PDE4B: variants seen among roughly 807,000 people sequenced by gnomAD.
PDE4B encodes the protein 3',5'-cyclic-AMP phosphodiesterase 4B.
Under a neutral mutation model 82.2 loss-of-function variants are expected in PDE4B, and 20 were observed. That is an observed-to-expected ratio of 0.24 (90% CI 0.17 to 0.35). The LOEUF is 0.35. Ranked by LOEUF, PDE4B falls within the 10% of genes least tolerant of loss-of-function variation. The pLI is 1.00. For missense variants in PDE4B, 655 were observed against 907.2 expected (o/e 0.72, Z 3.57); for synonymous variants, 320 against 318.9 (o/e 1.00, Z -0.04).
chr1:66,022,491 A>G (rs191654573), intron 3 of PDE4B, among the ~76,000 whole-genome samples: 1 of 152,126 alleles, frequency 6.6e-6, no homozygotes, highest in Non-Finnish European at 1.5e-5. Context: ...ATCAGTACCT[A>G]ATTTATTTGG....
chr1:66,073,086 G>A (rs1656241741), intron 3 of PDE4B, among the ~76,000 whole-genome samples: 1 of 151,304 alleles, frequency 6.6e-6, no homozygotes. Flanking sequence ...ATTTGACAAT[G>A]CCCTCGCTGG....
chr1:66,338,045 A>G (rs1271756590), intron 8 of PDE4B, among the ~76,000 whole-genome samples: 2 of 152,254 alleles, frequency 1.3e-5, no homozygotes, highest in Non-Finnish European at 2.9e-5. Flanking sequence ...ATTGAATAAT[A>G]TTAGTAAACA....
rs576181608 is a variant in PDE4B, at chr1:66,286,544, G to T, written c.634+20457G>T. Among the ~76,000 whole-genome samples, 8 of 152,212 alleles carry T rather than the reference G, an allele frequency of 5.3e-5. No homozygotes were observed. In the South Asian group the frequency reaches 1.0e-3, roughly 20 times the overall value. ...TCCCCAAAACAAACAAGACAGCATGGCAAACAGTGGTGTTTGCTCTGTATA... is the reference window on the plus strand; with the variant it reads ...TCCCCAAAACAAACAAGACAGCATGTCAAACAGTGGTGTTTGCTCTGTATA... On this transcript the variant is annotated intron_variant, in intron 7 of 16. Transcript: ENST00000341517.
chr1:66,324,944 A>G (rs1334729350), intron 7 of PDE4B, among the ~76,000 whole-genome samples: 1 of 152,208 alleles, frequency 6.6e-6, no homozygotes, highest in Non-Finnish European at 1.5e-5. Flanking sequence ...TGGACATAAT[A>G]ACTCATGATG....
intron 3 of PDE4B, among the ~76,000 whole-genome samples, chr1:66,112,499 G>A (rs145720288): frequency 4.4e-4 from 67 of 152,212 alleles, no homozygotes; most frequent in East Asian, 1.7e-3. Flanking sequence ...GTCAGTAGCC[G>A]AAAGAAGATA....
At chr1:66,225,774 T>C (rs1651402571) in intron 3 of PDE4B, among the ~76,000 whole-genome samples, 2 of 152,266 alleles carry the variant, frequency 1.3e-5, no homozygotes, top group African/African-American at 2.4e-5. Context: ...TGTTTTATTT[T>C]GTTTTCCTGG....
chr1:66,349,056 G>A (rs201989415), intron 8 of PDE4B, among the ~76,000 whole-genome samples: 1 of 152,084 alleles, frequency 6.6e-6, no homozygotes, highest in East Asian at 1.9e-4. Flanking sequence ...AGCAGAAAAG[G>A]GTTAGATAGA....
intron 3 of PDE4B, among the ~76,000 whole-genome samples, chr1:66,037,135 A>G (rs1372732281): frequency 6.6e-6 from 1 of 151,864 alleles, no homozygotes; most frequent in Non-Finnish European, 1.5e-5. Context: ...CAAAAAAAAA[A>G]AAAAAAAAGA....
intron 6 of PDE4B, among the ~76,000 whole-genome samples, chr1:66,262,648 C>T (rs1654769331): frequency 6.6e-6 from 1 of 152,214 alleles, no homozygotes; most frequent in South Asian, 2.1e-4. Flanking sequence ...GTCTGGCATT[C>T]TCATGCCCTA....
At chr1:66,275,601 A>G (rs935195269) in intron 7 of PDE4B, among the ~76,000 whole-genome samples, 2 of 152,084 alleles carry the variant, frequency 1.3e-5, no homozygotes, top group African/African-American at 4.8e-5. Context: ...AGGAAGGAAG[A>G]GGACCACCGA....
chr1:66,008,423 C>A (rs1379555226), intron 3 of PDE4B, among the ~76,000 whole-genome samples: 1 of 152,114 alleles, frequency 6.6e-6, no homozygotes, highest in Non-Finnish European at 1.5e-5. Context: ...CTGGTTAAGG[C>A]CACCCCTTAC....
At chr1:65,938,793 A>G (rs1648288881) in intron 3 of PDE4B, among the ~76,000 whole-genome samples, 1 of 152,178 alleles carries the variant, frequency 6.6e-6, no homozygotes, top group African/African-American at 2.4e-5. Flanking sequence ...GGAGAGCTGT[A>G]TTAGTGTGGA....
At chr1:66,105,127 G>A (rs1645318195) in intron 3 of PDE4B, among the ~76,000 whole-genome samples, 2 of 152,058 alleles carry the variant, frequency 1.3e-5, no homozygotes, top group Admixed American at 6.6e-5. Context: ...TAAGATATAA[G>A]GAAGGGATCC....
intron 3 of PDE4B, among the ~76,000 whole-genome samples, chr1:65,965,405 A>G (rs1649765486): frequency 1.3e-5 from 2 of 152,166 alleles, no homozygotes; most frequent in South Asian, 4.1e-4. Context: ...CCAGTACAGA[A>G]AGATAGCATC....
In PDE4B at chr1:66,372,451, C is replaced by T; in HGVS notation, c.1984C>T (p.Pro662Ser). 1 of 1,614,142 alleles carries T rather than the reference C, an allele frequency of 6.2e-7. No individual in the cohort carries two copies. The highest frequency in any genetic ancestry group is 8.5e-7 in the Non-Finnish European group (1 of 1,179,994). Residue 662 changes from proline (P) to serine (S), a missense_variant, in exon 17 of 17, where the codon CCA (proline) becomes TCA (serine). Pro to Ser is a moderately conservative substitution (Grantham distance 74, BLOSUM62 -1). This residue lies in a region of PDE4B where 119 missense variants were observed against 115.2 expected (regional missense o/e 1.03). Transcript: ENST00000341517. ...GAGCATGATACCTCAAAGTCCCTCA[C>T]CACCACTGGACGAGCAGAACAGGGA... ...YQSMIPQSPS[P>S]PLDEQNRDCQ... is the part of the protein sequence containing the mutation.
chr1:66,292,134 T>C (rs2101813803), intron 7 of PDE4B, among the ~76,000 whole-genome samples: 1 of 152,320 alleles, frequency 6.6e-6, no homozygotes, highest in South Asian at 2.1e-4. Context: ...TGAATAGATG[T>C]GCTCTAATTG....
intron 3 of PDE4B, among the ~76,000 whole-genome samples, chr1:65,921,714 C>G (rs960397329): frequency 6.6e-6 from 1 of 152,206 alleles, no homozygotes; most frequent in Non-Finnish European, 1.5e-5. Context: ...AAACAAGCAG[C>G]AGGCTGGATT....
intron 3 of PDE4B, among the ~76,000 whole-genome samples, chr1:66,100,124 G>T (rs1181108427): frequency 7.2e-5 from 11 of 151,986 alleles, no homozygotes; most frequent in South Asian, 2.1e-4. Flanking sequence ...TGGGATCTCG[G>T]CTCACTGCAG....
At chr1:65,841,181 C>A (rs1339067904) in intron 1 of PDE4B, among the ~76,000 whole-genome samples, 1 of 151,990 alleles carries the variant, frequency 6.6e-6, no homozygotes, top group Admixed American at 6.6e-5. Flanking sequence ...GCCTGTAATC[C>A]CAGCTGCTCT....
Sources: gnomAD v4.1 joint callset for allele counts (sites outside exome capture counted in the v4.1 genomes callset) on GRCh38, gnomAD v4.1.1 for gene constraint, gnomAD v4.1.1 regional missense constraint, MANE v1.5 for transcripts, NCBI Gene and HGNC (gene_info 2026-07-23, HGNC 2026-07-21) for gene names.